The following GPR39 variants were observed in gnomAD, a reference collection of about 807,000 sequenced individuals.
The protein encoded by GPR39 is G protein-coupled receptor 39.
Under a neutral mutation model 18.4 loss-of-function variants are expected in GPR39, and 23 were observed. That is an observed-to-expected ratio of 1.25 (90% CI 0.90 to 1.77). The LOEUF (loss-of-function observed/expected upper bound fraction) is 1.77, where lower values mean the gene tolerates loss of function less well. GPR39 is among the 40% of genes most tolerant of loss of function. The pLI is 0.00. For missense variants in GPR39, 647 were observed against 602.4 expected, an observed-to-expected ratio of 1.07 and a Z score of -0.78; for synonymous variants, 280 against 257.9, an observed-to-expected ratio of 1.09 and a Z score of -0.82.
intron 1 of GPR39, among the ~76,000 whole-genome samples, chr2:132,638,229 G>A (rs1420763046): frequency 6.6e-6 from 1 of 152,188 alleles, no homozygotes; most frequent in Admixed American, 6.5e-5. Flanking sequence ...AGTGGAACCA[G>A]AGGGAGGGAG....
intron 1 of GPR39, among the ~76,000 whole-genome samples, chr2:132,495,849 C>T (rs1461737309): frequency 2.6e-5 from 4 of 151,946 alleles, no homozygotes; most frequent in Non-Finnish European, 5.9e-5. Flanking sequence ...TTTATCATTG[C>T]TCTCTTCTTC....
At chr2:132,450,627 C>T (rs1368601746) in intron 1 of GPR39, among the ~76,000 whole-genome samples, 1 of 152,218 alleles carries the variant, frequency 6.6e-6, no homozygotes, top group Non-Finnish European at 1.5e-5. Context: ...TCTGACACCT[C>T]AGCCAGGCTG....
At chr2:132,512,042 C>G (rs1679251041) in intron 1 of GPR39, among the ~76,000 whole-genome samples, 1 of 152,212 alleles carries the variant, frequency 6.6e-6, no homozygotes, top group African/African-American at 2.4e-5. Flanking sequence ...GTGAAAGAAG[C>G]TGATCCTGTG....
chr2:132,593,971 A>T (rs948140004), intron 1 of GPR39, among the ~76,000 whole-genome samples: 1 of 152,058 alleles, frequency 6.6e-6, no homozygotes, highest in Non-Finnish European at 1.5e-5. Context: ...CCTCCCTGAT[A>T]TTTTGTCCAG....
At chr2:132,462,398 C>G (rs193059629) in intron 1 of GPR39, among the ~76,000 whole-genome samples, 41 of 152,324 alleles carry the variant, frequency 2.7e-4, no homozygotes, top group African/African-American at 9.6e-4. Flanking sequence ...TAAACTGTAA[C>G]TGTGCCTGGT....
intron 1 of GPR39, among the ~76,000 whole-genome samples, chr2:132,603,618 C>T (rs2315508): frequency 6.6e-6 from 1 of 151,748 alleles, no homozygotes; most frequent in Non-Finnish European, 1.5e-5. Flanking sequence ...ATGTACTGAA[C>T]TATCACTCTG....
intron 1 of GPR39, among the ~76,000 whole-genome samples, chr2:132,540,960 A>G (rs1679850859): frequency 6.6e-6 from 1 of 151,850 alleles, no homozygotes; most frequent in African/African-American, 2.4e-5. Flanking sequence ...CCTGTGGATC[A>G]TCAGCTTGGT....
chr2:132,435,754 G>A (rs751447899), intron 1 of GPR39, among the ~76,000 whole-genome samples: 3 of 94,632 alleles, frequency 3.2e-5, no homozygotes, highest in Non-Finnish European at 4.6e-5. Context: ...ATATTTTCTC[G>A]TGTAAAGCTT....
In GPR39 at chr2:132,555,384, C is replaced by A. The variant is rs1477098362; in HGVS notation, c.857-89717C>A. ...TGGCCTGCTGTGTTTCAGGGTCTTT[C>A]GTGAGGTTGCAGTCAGAAGTCAGTG... is the stretch of plus-strand genomic sequence containing the variant. On this transcript the variant is annotated intron_variant, in intron 1 of 1. Transcript: ENST00000329321. Among the ~76,000 whole-genome samples the A allele has an allele frequency of 2.6e-5, 4 of 152,120 alleles. No individual in the cohort carries two copies. The South Asian group carries it at 6.2e-4, about 24-fold the overall frequency.
intron 1 of GPR39, among the ~76,000 whole-genome samples, chr2:132,611,875 G>A (rs1681244994): frequency 6.6e-6 from 1 of 152,318 alleles, no homozygotes; most frequent in Admixed American, 6.5e-5. Flanking sequence ...TGCAGTTAGT[G>A]AAGTGTTAAT....
intron 1 of GPR39, among the ~76,000 whole-genome samples, chr2:132,490,345 A>G (rs558075202): frequency 1.3e-5 from 2 of 152,032 alleles, no homozygotes; most frequent in Admixed American, 1.3e-4. Flanking sequence ...ATCTAAAGAA[A>G]TCCAGTTTTC....
At chr2:132,524,363 C>T (rs963815457) in intron 1 of GPR39, among the ~76,000 whole-genome samples, 8 of 152,232 alleles carry the variant, frequency 5.3e-5, no homozygotes, top group African/African-American at 1.9e-4. Flanking sequence ...CATCCATAAG[C>T]TCAGGACACC....
At chr2:132,520,110 C>T (rs4395295) in intron 1 of GPR39, among the ~76,000 whole-genome samples, 36,072 of 151,996 alleles carry the variant, frequency 0.24, 5,735 homozygotes, top group East Asian at 0.61. Context: ...CTTACAACTC[C>T]GACCCACATT....
rs866067216 is a variant in GPR39, at chr2:132,448,866, C to T, written c.856+30968C>T. 9.2e-5 allele frequency among the ~76,000 whole-genome samples: 14 copies of T among 152,264 alleles called. No homozygotes were observed. In the South Asian group the frequency reaches 2.9e-3, roughly 32 times the overall value. Reference sequence around the variant, plus strand: ...AGGAATCTGAAATTGGTTTTTCTCCCCTTCTGTCCAGACACTGCAGCCCCA... The same window carrying T: ...AGGAATCTGAAATTGGTTTTTCTCCTCTTCTGTCCAGACACTGCAGCCCCA... On this transcript the variant is annotated intron_variant, in intron 1 of 1. Coordinates refer to ENST00000329321, the MANE Select transcript of GPR39 (RefSeq NM_001508.3).
At chr2:132,630,240 A>C (rs973856715) in intron 1 of GPR39, among the ~76,000 whole-genome samples, 1 of 152,210 alleles carries the variant, frequency 6.6e-6, no homozygotes, top group South Asian at 2.1e-4. Context: ...AAGAAGTATG[A>C]GGGCAATAAG....
At chr2:132,625,887 G>A (rs1286898864) in intron 1 of GPR39, among the ~76,000 whole-genome samples, 2 of 152,114 alleles carry the variant, frequency 1.3e-5, no homozygotes, top group Non-Finnish European at 2.9e-5. Flanking sequence ...GGATCACAAG[G>A]TTGGGAGATC....
intron 1 of GPR39, among the ~76,000 whole-genome samples, chr2:132,563,688 G>A (rs10928430): frequency 0.39 from 59,469 of 151,846 alleles, 13,817 homozygotes; most frequent in East Asian, 0.77. Context: ...GGGACTTGCA[G>A]AAATCCCAAT....
chr2:132,443,767 A>G (rs1023929916), intron 1 of GPR39, among the ~76,000 whole-genome samples: 1 of 152,186 alleles, frequency 6.6e-6, no homozygotes, highest in Non-Finnish European at 1.5e-5. Flanking sequence ...CTAACTTTAA[A>G]CATATTTTTA....
chr2:132,515,053 T>C (rs1679307364), intron 1 of GPR39, among the ~76,000 whole-genome samples: 1 of 152,226 alleles, frequency 6.6e-6, no homozygotes, highest in African/African-American at 2.4e-5. Context: ...CCCTAACTAG[T>C]AGCTACAATT....
Sources: gnomAD v4.1 joint callset for allele counts (sites outside exome capture counted in the v4.1 genomes callset) on GRCh38, gnomAD v4.1.1 for gene constraint, MANE v1.5 for transcripts, NCBI Gene and HGNC (gene_info 2026-07-23, HGNC 2026-07-21) for gene names.